ITGAM: variants seen among roughly 807,000 people sequenced by gnomAD.
ITGAM encodes integrin subunit alpha M.
A neutral mutation model predicts 137.5 loss-of-function variants in ITGAM; 79 were observed. That is an observed-to-expected ratio of 0.57 (90% CI 0.48 to 0.69). The LOEUF is 0.69. ITGAM is among the 30% of genes least tolerant of loss of function. The pLI is 0.00. For missense variants in ITGAM, 1,343 were observed against 1,483.5 expected (o/e 0.91, Z 1.56); for synonymous variants, 583 against 592.3 (o/e 0.98, Z 0.23).
intron 12 of ITGAM, among the ~76,000 whole-genome samples, chr16:31,286,702 T>G (rs2080033390): frequency 6.6e-6 from 1 of 152,204 alleles, no homozygotes; most frequent in African/African-American, 2.4e-5. Flanking sequence ...GGTTATTTGT[T>G]TCTTGCTTGT....
At chr16:31,296,344 C>T (rs1024828661) in intron 12 of ITGAM, among the ~76,000 whole-genome samples, 1 of 151,764 alleles carries the variant, frequency 6.6e-6, no homozygotes, top group Admixed American at 6.6e-5. Flanking sequence ...AACTCCTGAC[C>T]TCAGGTGATC....
At chr16:31,270,713 A>ATG (rs1567248758) in intron 5 of ITGAM, among the ~76,000 whole-genome samples, 3 of 97,246 alleles carry the variant, frequency 3.1e-5, no homozygotes, top group Non-Finnish European at 6.2e-5. Flanking sequence ...ATATATATAT[A>ATG]TATATATATA....
chr16:31,267,943 C>G (rs566176243), intron 5 of ITGAM, among the ~76,000 whole-genome samples: 50 of 152,236 alleles, frequency 3.3e-4, no homozygotes, highest in African/African-American at 1.1e-3. Context: ...TGCGCCTGGC[C>G]CAGCATCTCT....
Position 31,273,475 on chromosome 16 carries a change from T to C in ITGAM, c.815T>C (p.Ile272Thr), listed in dbSNP as rs2079874366. ...GATCCCTTGGGATATGAGGATGTCATCCCTGAGGCAGACAGAGAGGGAGTC... is the reference window on the plus strand; with the variant it reads ...GATCCCTTGGGATATGAGGATGTCACCCCTGAGGCAGACAGAGAGGGAGTC... ...FGDPLGYEDV[I>T]PEADREGVIR... Residue 272 changes from isoleucine (I) to threonine (T), a missense_variant, in exon 8 of 30, where the codon ATC becomes ACC. Transcript: ENST00000544665. The C allele has an allele frequency of 6.2e-7, 1 of 1,613,768 alleles. No homozygotes were observed. The highest frequency in any genetic ancestry group is 8.5e-7 in the Non-Finnish European group (1 of 1,179,756).
chr16:31,287,923 G>C (rs566166750), intron 12 of ITGAM, among the ~76,000 whole-genome samples: 1 of 152,286 alleles, frequency 6.6e-6, no homozygotes, highest in African/African-American at 2.4e-5. Context: ...CATGAGGAAG[G>C]CTGGCTGGTC....
intron 10 of ITGAM, 25 bp downstream of exon 10, chr16:31,276,769 G>A (rs778050967): frequency 4.6e-5 from 74 of 1,596,688 alleles, no homozygotes; most frequent in African/African-American, 2.0e-4. Flanking sequence ...ATTAAATTGC[G>A]GGGGTGGGGC....
chr16:31,289,139 A>G (rs1323810876), intron 12 of ITGAM, among the ~76,000 whole-genome samples: 1 of 152,176 alleles, frequency 6.6e-6, no homozygotes, highest in Admixed American at 6.5e-5. Context: ...AAATAGGAAC[A>G]CTTTTACACT....
chr16:31,308,128 G>T (rs967417892), intron 14 of ITGAM, among the ~76,000 whole-genome samples: 14 of 152,274 alleles, frequency 9.2e-5, no homozygotes, highest in Non-Finnish European at 1.0e-4. Flanking sequence ...TTGTGTGTCT[G>T]CCAGGCTTTG....
intron 14 of ITGAM, among the ~76,000 whole-genome samples, chr16:31,302,684 G>A (rs1452725619): frequency 2.7e-5 from 4 of 150,878 alleles, no homozygotes; most frequent in East Asian, 1.9e-4. Flanking sequence ...ACAGGCGCCC[G>A]CCACTACGCC....
chr16:31,326,767 A>G, intron 21 of ITGAM, 89 bp from the exon 22 acceptor site: 1 of 912,812 alleles, frequency 1.1e-6, no homozygotes, highest in Non-Finnish European at 1.8e-6. Flanking sequence ...GATGGGCCAT[A>G]TTTCATGTCT....
In ITGAM at chr16:31,297,754, T is replaced by TG. The variant is rs1472848606; in HGVS notation, c.1509dup (p.Gln504AlafsTer3). 6.3e-7 allele frequency: 1 copy of TG among 1,596,148 alleles called. No homozygotes were observed. Among genetic ancestry groups the TG allele is most frequent in the South Asian group, 1.1e-5 (1 of 89,782 alleles). Reference sequence around the variant, plus strand: ...TGTTTGTGTTTAGCAGAGGGCTCGGTGGCAGTGTGATGCTGTTCTCTACGG... The same window carrying TG: ...TGTTTGTGTTTAGCAGAGGGCTCGGTGGGCAGTGTGATGCTGTTCTCTACGG... On this transcript the variant is annotated frameshift_variant, in exon 14 of 30. Transcript: ENST00000544665. LOFTEE classifies it high-confidence loss of function.
At chr16:31,319,456 C>A (rs1451755568) in intron 14 of ITGAM, among the ~76,000 whole-genome samples, 1 of 151,954 alleles carries the variant, frequency 6.6e-6, no homozygotes, top group African/African-American at 2.4e-5. Context: ...GACTTAAAGT[C>A]TATTTTGTCT....
chr16:31,311,474 G>A lies in ITGAM; in HGVS notation c.1708-9767G>A, dbSNP rs547985486. On this transcript the variant is annotated intron_variant, in intron 14 of 29. Coordinates refer to ENST00000544665, the MANE Select transcript of ITGAM (RefSeq NM_000632.4). Reference sequence around the variant, plus strand: ...ACAACCCCATCAAAAAGTGGGTGAAGGATATGAACAGACACTTCTCAAAAG... The same window carrying A: ...ACAACCCCATCAAAAAGTGGGTGAAAGATATGAACAGACACTTCTCAAAAG... 2.6e-5 allele frequency among the ~76,000 whole-genome samples: 4 copies of A among 152,298 alleles called. No individual in the cohort carries two copies. In the East Asian group the frequency reaches 7.7e-4, roughly 29 times the overall value.
At chr16:31,283,538 C>T (rs1224636630) in intron 12 of ITGAM, among the ~76,000 whole-genome samples, 2 of 152,114 alleles carry the variant, frequency 1.3e-5, no homozygotes, top group African/African-American at 4.8e-5. Flanking sequence ...GCATGCATCA[C>T]GTAATTCTCA....
At chr16:31,273,208 A>C (rs13334383) in intron 7 of ITGAM, among the ~76,000 whole-genome samples, 157 bp from the exon 8 acceptor site, 6,563 of 152,074 alleles carry the variant, frequency 0.043, 468 homozygotes, top group African/African-American at 0.15. Flanking sequence ...AGGCAGGAGA[A>C]TCACTTGAGC....
At chr16:31,263,611 G>GA (rs2079729700) in intron 2 of ITGAM, among the ~76,000 whole-genome samples, 1 of 150,000 alleles carries the variant, frequency 6.7e-6, no homozygotes, top group Non-Finnish European at 1.5e-5. Flanking sequence ...TTTTTTTTAT[G>GA]AGAGAGGCAT....
chr16:31,313,584 T>C (rs2080358452), intron 14 of ITGAM, among the ~76,000 whole-genome samples: 1 of 152,260 alleles, frequency 6.6e-6, no homozygotes, highest in Non-Finnish European at 1.5e-5. Flanking sequence ...CTGCATAGTA[T>C]TCCATGGTGT....
chr16:31,271,993 G>A lies in ITGAM; in HGVS notation c.704+1G>A. Reference sequence around the variant, plus strand: ...CGGCCACGGGCATCCGCAAAGTGGTGTAAGCTTCCCCTTTTCCCTTAGGAT... The same window carrying A: ...CGGCCACGGGCATCCGCAAAGTGGTATAAGCTTCCCCTTTTCCCTTAGGAT... On this transcript the variant is annotated splice_donor_variant, in intron 7 of 29. Transcript: ENST00000544665. LOFTEE classifies it high-confidence loss of function. 1 of 1,614,012 alleles carries A rather than the reference G, an allele frequency of 6.2e-7. No homozygotes were observed. Among genetic ancestry groups the A allele is most frequent in the Non-Finnish European group, 8.5e-7 (1 of 1,179,882 alleles).
intron 14 of ITGAM, among the ~76,000 whole-genome samples, chr16:31,310,055 A>T (rs1280914256): frequency 2.0e-5 from 3 of 150,880 alleles, no homozygotes; most frequent in Admixed American, 6.6e-5. Flanking sequence ...AGCCCATCAG[A>T]CTAGATCAGC....
Sources: allele counts gnomAD v4.1 joint callset (sites outside exome capture counted in the v4.1 genomes callset), GRCh38; gene constraint gnomAD v4.1.1; transcripts MANE v1.5; gene names NCBI Gene and HGNC (gene_info 2026-07-23, HGNC 2026-07-21).